KCNIP4: variants seen among roughly 807,000 people sequenced by gnomAD.
The protein encoded by KCNIP4 is potassium voltage-gated channel interacting protein 4.
KCNIP4 carries 12 observed loss-of-function variants against 34.0 expected under a neutral mutation model. The ratio of observed to expected loss-of-function variants is 0.35; its 90% confidence interval spans 0.23 to 0.57. The LOEUF is 0.57. KCNIP4 is among the 20% of genes least tolerant of loss of function. KCNIP4 has a pLI of 0.83. For synonymous variants in KCNIP4, 124 were observed against 102.2 expected, an observed-to-expected ratio of 1.21 and a Z score of -1.29; for missense variants, 238 against 311.7, an observed-to-expected ratio of 0.76 and a Z score of 1.78.
intron 5 of KCNIP4, among the ~76,000 whole-genome samples, chr4:20,738,284 G>C (rs140821133): frequency 6.6e-6 from 1 of 152,128 alleles, no homozygotes; most frequent in Non-Finnish European, 1.5e-5. Context: ...AATTCACAGC[G>C]TAGTAATAAT....
chr4:20,977,953 A>T (rs1451790178), intron 1 of KCNIP4, among the ~76,000 whole-genome samples: 3 of 152,142 alleles, frequency 2.0e-5, no homozygotes, highest in Admixed American at 6.5e-5. Flanking sequence ...CCTCTAACCA[A>T]TTCGGAAATT....
chr4:21,372,274 T>C (rs1171572857), intron 1 of KCNIP4, among the ~76,000 whole-genome samples: 2 of 147,022 alleles, frequency 1.4e-5, no homozygotes, highest in Non-Finnish European at 2.9e-5. Context: ...TATCTGAAAA[T>C]TCCATTTTTT....
chr4:21,494,640 G>A (rs1732697504), intron 1 of KCNIP4, among the ~76,000 whole-genome samples: 1 of 151,878 alleles, frequency 6.6e-6, no homozygotes, highest in African/African-American at 2.4e-5. Flanking sequence ...TGGCATGGTG[G>A]TGCATGCCTG....
At chr4:21,892,501 T>G (rs1341131833) in intron 1 of KCNIP4, among the ~76,000 whole-genome samples, 1 of 149,788 alleles carries the variant, frequency 6.7e-6, no homozygotes, top group Non-Finnish European at 1.5e-5. Flanking sequence ...ATGGCCATTT[T>G]CTGTATGTAT....
intron 1 of KCNIP4, among the ~76,000 whole-genome samples, chr4:21,698,237 G>C (rs1330768979): frequency 6.6e-6 from 1 of 152,170 alleles, no homozygotes; most frequent in African/African-American, 2.4e-5. Context: ...TTTCTGCACA[G>C]CGCGGGCTCA....
chr4:20,986,102 C>T (rs1736549938), intron 1 of KCNIP4, among the ~76,000 whole-genome samples: 1 of 152,106 alleles, frequency 6.6e-6, no homozygotes, highest in African/African-American at 2.4e-5. Context: ...ACGGAAGTTC[C>T]AACTCTTCAG....
chr4:20,901,365 C>T (rs1027497536), intron 1 of KCNIP4, among the ~76,000 whole-genome samples: 1 of 152,178 alleles, frequency 6.6e-6, no homozygotes, highest in African/African-American at 2.4e-5. Flanking sequence ...ATCAGCCTCA[C>T]CCGGTAGCTT....
In KCNIP4 at chr4:21,813,299, G is replaced by GA. The variant is rs950587346; in HGVS notation, c.61+135271dup. ...ATCCCTAGCTATCTGGTTGAAAGGA[G>GA]AAAAAATGTATTTTAACAAGAACAA... On this transcript the variant is annotated intron_variant, in intron 1 of 8. Transcript: ENST00000382152. Among the ~76,000 whole-genome samples, 45 of 152,122 alleles carry GA rather than the reference G, an allele frequency of 3.0e-4. 1 individual carries two copies. The highest frequency in any genetic ancestry group is 1.8e-3 in the Admixed American group (28 of 15,292).
intron 1 of KCNIP4, among the ~76,000 whole-genome samples, chr4:21,025,110 G>A (rs2149754106): frequency 6.6e-6 from 1 of 152,210 alleles, no homozygotes; most frequent in East Asian, 1.9e-4. Context: ...AATTTCCCAA[G>A]GCAAGAAAAA....
intron 1 of KCNIP4, among the ~76,000 whole-genome samples, chr4:21,118,520 G>A (rs780572679): frequency 8.5e-5 from 13 of 152,102 alleles, no homozygotes; most frequent in African/African-American, 1.2e-4. Flanking sequence ...TCCCATTCCC[G>A]TGTCTGCCTT....
At chr4:21,048,324 G>C (rs771367642) in intron 1 of KCNIP4, among the ~76,000 whole-genome samples, 8 of 152,178 alleles carry the variant, frequency 5.3e-5, no homozygotes, top group Non-Finnish European at 1.2e-4. Context: ...GACAAGAAGA[G>C]ATGGAAGAGG....
intron 1 of KCNIP4, among the ~76,000 whole-genome samples, chr4:21,477,875 C>A (rs973354910): frequency 6.6e-6 from 1 of 152,152 alleles, no homozygotes; most frequent in African/African-American, 2.4e-5. Context: ...GAACACAAGC[C>A]TGGTGGTATT....
intron 1 of KCNIP4, among the ~76,000 whole-genome samples, chr4:20,999,766 T>C (rs1158769770): frequency 6.6e-6 from 1 of 151,974 alleles, no homozygotes; most frequent in Non-Finnish European, 1.5e-5. Flanking sequence ...GAGTACAAGA[T>C]GATATTCAAG....
chr4:21,516,580 C>G (rs2109936426), intron 1 of KCNIP4, among the ~76,000 whole-genome samples: 1 of 152,304 alleles, frequency 6.6e-6, no homozygotes, highest in African/African-American at 2.4e-5. Context: ...AGGCTTGCAT[C>G]AGTTTCTTCT....
chr4:21,452,191 A>G (rs2109746409), intron 1 of KCNIP4, among the ~76,000 whole-genome samples: 1 of 152,254 alleles, frequency 6.6e-6, no homozygotes, highest in East Asian at 1.9e-4. Context: ...GAATTTTAAA[A>G]GAAAATAAAA....
At chr4:21,335,839 G>A (rs1321251450) in intron 1 of KCNIP4, among the ~76,000 whole-genome samples, 1 of 152,054 alleles carries the variant, frequency 6.6e-6, no homozygotes, top group African/African-American at 2.4e-5. Context: ...CTTGTAGAAA[G>A]AAGTATAAAG....
At chr4:21,750,304 TA>T (rs1327928402) in intron 1 of KCNIP4, among the ~76,000 whole-genome samples, 1 of 152,150 alleles carries the variant, frequency 6.6e-6, no homozygotes, top group Non-Finnish European at 1.5e-5. Flanking sequence ...AAAGAAGCTG[TA>T]AAATGCTTCC....
rs747961833 is a variant in KCNIP4 at position 21,323,144 on chromosome 4, G to GTATATATA, written c.62-440443_62-440436dup. Among the ~76,000 whole-genome samples, 180 of 77,886 alleles carry GTATATATA rather than the reference G, an allele frequency of 2.3e-3. 2 individuals are homozygous for GTATATATA. The highest frequency in any genetic ancestry group is 9.5e-3 in the African/African-American group (171 of 18,056). The allele number at this position is 77,886 out of a possible 152,430, so 51.1% of individuals were successfully genotyped here. On this transcript the variant is annotated intron_variant, in intron 1 of 8. Coordinates refer to ENST00000382152, the MANE Select transcript of KCNIP4 (RefSeq NM_025221.6). ...CTGAAAAATGGCATCTCTTTTGTAA[G>GTATATATA]TATATATATATATATATATGTATAT... is the stretch of plus-strand genomic sequence containing the variant.
chr4:20,965,484 A>G (rs543275984), intron 1 of KCNIP4, among the ~76,000 whole-genome samples: 1 of 152,114 alleles, frequency 6.6e-6, no homozygotes, highest in Non-Finnish European at 1.5e-5. Context: ...ATTTCCCTCC[A>G]TTTCCAATCT....
Sources: allele counts gnomAD v4.1 joint callset (sites outside exome capture counted in the v4.1 genomes callset), GRCh38; gene constraint gnomAD v4.1.1; transcripts MANE v1.5; gene names NCBI Gene and HGNC (gene_info 2026-07-23, HGNC 2026-07-21).